Variants in TRAPPC12 observed in about 807,000 individuals in gnomAD.
TRAPPC12 encodes the protein TPR repeat protein 15.
In TRAPPC12, 61 loss-of-function variants were observed where a neutral mutation model predicts 69.2. The ratio of observed to expected loss-of-function variants is 0.88; its 90% CI spans 0.72 to 1.09. The LOEUF is 1.09. Ranked by LOEUF, TRAPPC12 falls within the 50% of genes least tolerant of loss-of-function variation. TRAPPC12 has a pLI of 0.00. For synonymous variants in TRAPPC12, 469 were observed against 438.9 expected (o/e 1.07, Z -0.86); for missense variants, 1,101 against 1,016.4 (o/e 1.08, Z -1.13).
At chr2:3,426,720 C>A (rs1321333413) in intron 5 of TRAPPC12, among the ~76,000 whole-genome samples, 1 of 152,222 alleles carries the variant, frequency 6.6e-6, no homozygotes, top group African/African-American at 2.4e-5. Context: ...GGAAGCTGCT[C>A]GGTGGTCGTG....
At chr2:3,400,100 C>T (rs1661354161) in intron 2 of TRAPPC12, among the ~76,000 whole-genome samples, 1 of 152,206 alleles carries the variant, frequency 6.6e-6, no homozygotes, top group African/African-American at 2.4e-5. Flanking sequence ...GTGCTGTGTC[C>T]CTGTCAGCAG....
intron 5 of TRAPPC12, among the ~76,000 whole-genome samples, chr2:3,436,845 AGGATTAATACCCCATCACCCCT>A (rs1663820597): frequency 3.7e-5 from 1 of 27,074 alleles, no homozygotes; most frequent in African/African-American, 1.6e-4. Context: ...CCATCACCCC[AGGATTAATACCCCATCACCCCT>A]GGATTAATCT....
intron 1 of TRAPPC12, among the ~76,000 whole-genome samples, chr2:3,380,205 G>A (rs1217520119): frequency 3.9e-5 from 6 of 152,132 alleles, no homozygotes; most frequent in Admixed American, 2.6e-4. Flanking sequence ...AGGCGTCCCC[G>A]AGACCCCCAG....
intron 1 of TRAPPC12, among the ~76,000 whole-genome samples, chr2:3,382,450 C>G (rs1234990902): frequency 6.6e-6 from 1 of 151,992 alleles, no homozygotes; most frequent in Non-Finnish European, 1.5e-5. Context: ...TCTTTTAGGA[C>G]TTTAGAAGAA....
intron 5 of TRAPPC12, among the ~76,000 whole-genome samples, chr2:3,442,363 T>C (rs1282328697): frequency 6.6e-6 from 1 of 152,210 alleles, no homozygotes; most frequent in African/African-American, 2.4e-5. Flanking sequence ...GACAGAAGGA[T>C]GGAAGTGACG....
Position 3,477,774 on chromosome 2 carries a change from A to G in TRAPPC12, c.1856A>G (p.Lys619Arg), listed in dbSNP as rs1666359451. 1.9e-6 allele frequency: 3 copies of G among 1,598,082 alleles called. No homozygotes were observed. Among genetic ancestry groups the G allele is most frequent in the African/African-American group, 1.3e-5 (1 of 74,140 alleles). Reference protein sequence around the residue: ...VTQKLDGLQGKIMVLMNSAFL... With the variant: ...VTQKLDGLQGRIMVLMNSAFL... ...CAGAAATTAGATGGACTACAGGGTAAAATCATGGTTTTGATGAACAGGTAA... is the reference window on the plus strand; with the variant it reads ...CAGAAATTAGATGGACTACAGGGTAGAATCATGGTTTTGATGAACAGGTAA... The change falls in exon 10 of 12, where the codon AAA becomes AGA. Residue 619 changes from lysine (K) to arginine (R), a missense_variant. Lys to Arg is a conservative substitution (Grantham distance 26). Transcript: ENST00000324266.
chr2:3,398,788 G>A (rs939797012), intron 2 of TRAPPC12, among the ~76,000 whole-genome samples: 1 of 152,222 alleles, frequency 6.6e-6, no homozygotes, highest in African/African-American at 2.4e-5. Flanking sequence ...GCGACATCAC[G>A]ATGAGTCCCA....
At chr2:3,398,183 C>T (rs1661230821) in intron 2 of TRAPPC12, among the ~76,000 whole-genome samples, 1 of 152,164 alleles carries the variant, frequency 6.6e-6, no homozygotes, top group Admixed American at 6.6e-5. Flanking sequence ...CACACACAGG[C>T]GTTTGTGTCT....
chr2:3,387,651 A>AC lies in TRAPPC12; in HGVS notation c.32dup (p.Ala12GlyfsTer31). On this transcript the variant is annotated frameshift_variant, in exon 2 of 12. Coordinates refer to ENST00000324266, the MANE Select transcript of TRAPPC12 (RefSeq NM_016030.6). LOFTEE classifies it high-confidence loss of function. ...GGAGGACGCTGGCGGCGGCGAGGAGACCCCGGCCCCGGAGGCCCCGCACCC... is the reference window on the plus strand; with the variant it reads ...GGAGGACGCTGGCGGCGGCGAGGAGACCCCCGGCCCCGGAGGCCCCGCACCC... 6.5e-7 allele frequency: 1 copy of AC among 1,545,332 alleles called. No individual in the cohort carries two copies. Among genetic ancestry groups the AC allele is most frequent in the Non-Finnish European group, 8.7e-7 (1 of 1,143,116 alleles).
At chr2:3,478,703 G>T (rs906145580) in intron 10 of TRAPPC12, 143 bp from the exon 11 acceptor site, 1 of 638,254 alleles carries the variant, frequency 1.6e-6, no homozygotes, top group African/African-American at 1.8e-5. Context: ...GCAGCTCACC[G>T]CCTCTACCTG....
At chr2:3,433,453 C>G (rs531696108) in intron 5 of TRAPPC12, among the ~76,000 whole-genome samples, 3 of 152,250 alleles carry the variant, frequency 2.0e-5, no homozygotes, top group African/African-American at 7.2e-5. Flanking sequence ...GCTGCGGCCT[C>G]ACGGCAACCT....
chr2:3,466,653 C>G (rs73910538), intron 9 of TRAPPC12, among the ~76,000 whole-genome samples: 1 of 152,136 alleles, frequency 6.6e-6, no homozygotes, highest in Non-Finnish European at 1.5e-5. Flanking sequence ...ATCTCCTGCA[C>G]GCCGCCTGCT....
At chr2:3,436,233 A>G (rs1663768488) in intron 5 of TRAPPC12, among the ~76,000 whole-genome samples, 1 of 152,134 alleles carries the variant, frequency 6.6e-6, no homozygotes, top group Non-Finnish European at 1.5e-5. Context: ...ATTTCTGAGA[A>G]AAAAAATACA....
At chr2:3,455,885 C>G (rs4635556) in intron 6 of TRAPPC12, 75,229 of 151,982 alleles carry the variant, frequency 0.49, 20,442 homozygotes, top group African/African-American at 0.73. Flanking sequence ...TGGATTGCTG[C>G]GTTGTATGGT....
chr2:3,423,993 AGCCCTGAGAGCT>A (rs2103059257), intron 4 of TRAPPC12, among the ~76,000 whole-genome samples: 1 of 152,246 alleles, frequency 6.6e-6, no homozygotes, highest in East Asian at 1.9e-4. Flanking sequence ...GAAATTCTGC[AGCCCTGAGAGCT>A]GCCCTCAAAC....
chr2:3,418,203 C>T (rs1662553382), intron 3 of TRAPPC12, among the ~76,000 whole-genome samples: 1 of 94,080 alleles, frequency 1.1e-5, no homozygotes, highest in Non-Finnish European at 2.1e-5. Flanking sequence ...TCTACAAATA[C>T]TCGCCTGCTT....
intron 11 of TRAPPC12, 130 bp from the exon 12 acceptor site, chr2:3,479,089 G>A (rs889537493): frequency 6.6e-7 from 1 of 1,518,958 alleles, no homozygotes; most frequent in Non-Finnish European, 8.9e-7. Flanking sequence ...GACCCAACAG[G>A]GCCACCTAGG....
rs749587177 is a variant in TRAPPC12 at position 3,387,868 on chromosome 2, C to A, written c.245C>A (p.Ala82Glu). The change falls in exon 2 of 12, where the codon GCG becomes GAG. Residue 82 changes from alanine to glutamate, a missense_variant. Physicochemically the swap from Ala to Glu is moderately radical, Grantham distance 107. Transcript: ENST00000324266. ...ISDSPNSEGD[A>E]GDLGRVRDEA... Reference sequence around the variant, plus strand: ...GACTCCCCCAACAGCGAGGGCGACGCGGGCGACCTGGGCCGAGTGCGGGAC... The same window carrying A: ...GACTCCCCCAACAGCGAGGGCGACGAGGGCGACCTGGGCCGAGTGCGGGAC... 1 of 1,593,304 alleles carries A rather than the reference C, an allele frequency of 6.3e-7. No individual in the cohort carries two copies. The highest frequency in any genetic ancestry group is 8.6e-7 in the Non-Finnish European group (1 of 1,166,528).
intron 3 of TRAPPC12, among the ~76,000 whole-genome samples, chr2:3,406,486 G>C (rs1016922552): frequency 2.6e-5 from 4 of 152,182 alleles, no homozygotes; most frequent in Admixed American, 2.0e-4. Context: ...ATGCTTCTTT[G>C]AGTTTCTTTT....
Sources: gnomAD v4.1 joint callset for allele counts (sites outside exome capture counted in the v4.1 genomes callset) on GRCh38, gnomAD v4.1.1 for gene constraint, MANE v1.5 for transcripts, NCBI Gene and HGNC (gene_info 2026-07-23, HGNC 2026-07-21) for gene names.